The following OTUD7A variants were observed in gnomAD, a reference collection of about 807,000 sequenced individuals.
OTUD7A encodes the protein OTU deubiquitinase 7A.
Under a neutral mutation model 65.7 loss-of-function variants are expected in OTUD7A, and 12 were observed. The observed-to-expected ratio is 0.18, with a 90% CI of 0.12 to 0.30. The LOEUF (loss-of-function observed/expected upper bound fraction) is 0.30. Among genes scored for constraint, OTUD7A ranks in the 10% least tolerant of loss-of-function variants. The pLI is 1.00. For missense variants in OTUD7A, 1,148 were observed against 1,304.8 expected, an observed-to-expected ratio of 0.88 and a Z score of 1.85; for synonymous variants, 641 against 586.3, an observed-to-expected ratio of 1.09 and a Z score of -1.35.
chr15:31,581,320 C>A (rs1889364014), intron 3 of OTUD7A, among the ~76,000 whole-genome samples: 1 of 152,196 alleles, frequency 6.6e-6, no homozygotes, highest in South Asian at 2.1e-4. Context: ...TCCAGGTGCA[C>A]AGTGCAAGCT....
At chr15:31,713,733 AT>A (rs1893509728) in intron 1 of OTUD7A, among the ~76,000 whole-genome samples, 2 of 151,364 alleles carry the variant, frequency 1.3e-5, no homozygotes, top group Admixed American at 6.6e-5. Context: ...AGAAAACATC[AT>A]TGCAATCCAT....
chr15:31,736,163 C>T (rs1157757383), intron 1 of OTUD7A, among the ~76,000 whole-genome samples: 1 of 152,126 alleles, frequency 6.6e-6, no homozygotes. Context: ...ACCCCCACAA[C>T]ACAAGTTTAC....
At chr15:31,485,923 C>A (rs1252980626) in intron 12 of OTUD7A, among the ~76,000 whole-genome samples, 1 of 152,212 alleles carries the variant, frequency 6.6e-6, no homozygotes, top group African/African-American at 2.4e-5. Context: ...CATTCCTTTC[C>A]CCTTCCCACC....
intron 8 of OTUD7A, among the ~76,000 whole-genome samples, chr15:31,510,189 G>C (rs2041663039): frequency 6.6e-6 from 1 of 151,818 alleles, no homozygotes. Context: ...TGCAGTCCTG[G>C]CCCAGGGCCA....
At position 31,536,314 on chromosome 15, in the gene OTUD7A, C is replaced by T. The variant is rs1338574638; in HGVS notation, c.551-5506G>A. Among the ~76,000 whole-genome samples the T allele has an allele frequency of 2.6e-5, 4 of 152,274 alleles. No individual in the cohort carries two copies. The South Asian group carries it at 6.2e-4, about 24-fold the overall frequency. On this transcript the variant is annotated intron_variant, in intron 5 of 12. Transcript: ENST00000307050. ...CTTACATGTCACTTCTTGGATAATA[C>T]TAAAATTGTTTAAAAATTGCTTCAA... is the stretch of plus-strand genomic sequence containing the variant.
intron 3 of OTUD7A, among the ~76,000 whole-genome samples, chr15:31,581,693 G>A (rs1282910749): frequency 6.6e-6 from 1 of 152,030 alleles, no homozygotes; most frequent in Non-Finnish European, 1.5e-5. Flanking sequence ...ATTTGAGACT[G>A]CACAAAGCAG....
chr15:31,658,000 T>A lies in OTUD7A; in HGVS notation c.-99-923A>T, dbSNP rs940558185. On this transcript the variant is annotated intron_variant, in intron 1 of 12. Transcript: ENST00000307050. Reference sequence around the variant, plus strand: ...ACCCCAGGGAGAGTAATGTGTCCCATCAATGCATGGTGACTGCCTTAGGAG... The same window carrying A: ...ACCCCAGGGAGAGTAATGTGTCCCAACAATGCATGGTGACTGCCTTAGGAG... 5.3e-5 allele frequency among the ~76,000 whole-genome samples: 8 copies of A among 152,220 alleles called. No individual in the cohort carries two copies. The East Asian group carries it at 5.8e-4, about 11-fold the overall frequency.
At chr15:31,731,806 G>C (rs1030445151) in intron 1 of OTUD7A, among the ~76,000 whole-genome samples, 4 of 152,022 alleles carry the variant, frequency 2.6e-5, no homozygotes, top group Non-Finnish European at 5.9e-5. Context: ...TGTGGGGTTG[G>C]GGGTGAACAG....
chr15:31,527,418 C>A, intron 6 of OTUD7A, 110 bp from the exon 7 acceptor site: 2 of 1,389,092 alleles, frequency 1.4e-6, no homozygotes, highest in Non-Finnish European at 2.0e-6. Flanking sequence ...TGTCTGCACG[C>A]AGAACAGCCT....
At chr15:31,629,849 A>G (rs1891086247) in intron 3 of OTUD7A, among the ~76,000 whole-genome samples, 1 of 152,098 alleles carries the variant, frequency 6.6e-6, no homozygotes, top group Non-Finnish European at 1.5e-5. Flanking sequence ...GAATTTATCC[A>G]TTTCTTCTAG....
rs1890105021 is a variant in OTUD7A, at chr15:31,602,411, A to G, written c.152-32214T>C. Among the ~76,000 whole-genome samples, 3 of 152,192 alleles carry G rather than the reference A, an allele frequency of 2.0e-5. No individual in the cohort carries two copies. The South Asian group carries it at 6.2e-4, about 32-fold the overall frequency. ...CTTCGACAAAATTCAACACCCCTTC[A>G]TGGTAAAAACTCTCAATAAACTAGG... On this transcript the variant is annotated intron_variant, in intron 3 of 12. Coordinates refer to ENST00000307050, the MANE Select transcript of OTUD7A (RefSeq NM_001382637.1).
chr15:31,847,394 C>G (rs1052177217), intron 1 of OTUD7A, among the ~76,000 whole-genome samples: 2 of 152,170 alleles, frequency 1.3e-5, no homozygotes, highest in African/African-American at 4.8e-5. Context: ...CCACTAAGGA[C>G]TAGTGATGTT....
At chr15:31,566,078 T>C (rs545725354) in intron 4 of OTUD7A, among the ~76,000 whole-genome samples, 6 of 151,742 alleles carry the variant, frequency 4.0e-5, no homozygotes, top group East Asian at 3.9e-4. Flanking sequence ...TGTGTCCCAG[T>C]TACTCGGGAG....
intron 3 of OTUD7A, among the ~76,000 whole-genome samples, chr15:31,570,707 G>A (rs1394910845): frequency 6.6e-6 from 1 of 152,212 alleles, no homozygotes; most frequent in African/African-American, 2.4e-5. Flanking sequence ...TTTGGTGGGA[G>A]ATAGGCTTCT....
At chr15:31,773,744 T>C (rs1437290411) in intron 1 of OTUD7A, among the ~76,000 whole-genome samples, 1 of 152,230 alleles carries the variant, frequency 6.6e-6, no homozygotes, top group African/African-American at 2.4e-5. Flanking sequence ...TGCTGGAGTT[T>C]TTGATGGGTT....
At chr15:31,572,712 C>T (rs1157402932) in intron 3 of OTUD7A, among the ~76,000 whole-genome samples, 1 of 151,974 alleles carries the variant, frequency 6.6e-6, no homozygotes, top group East Asian at 1.9e-4. Context: ...GAAACAGAAA[C>T]TGACTAAACT....
At chr15:31,769,575 T>A (rs1385486419) in intron 1 of OTUD7A, among the ~76,000 whole-genome samples, 1 of 152,218 alleles carries the variant, frequency 6.6e-6, no homozygotes, top group African/African-American at 2.4e-5. Context: ...TCCTTCACAG[T>A]GTGAATGAAT....
chr15:31,629,248 A>T (rs969434451), intron 3 of OTUD7A, among the ~76,000 whole-genome samples: 120 of 152,196 alleles, frequency 7.9e-4, no homozygotes, highest in African/African-American at 2.8e-3. Flanking sequence ...ATAGCTCTTA[A>T]TATTTTGAGA....
At chr15:31,674,102 A>G (rs962534200) in intron 1 of OTUD7A, among the ~76,000 whole-genome samples, 20 of 152,378 alleles carry the variant, frequency 1.3e-4, no homozygotes, top group Non-Finnish European at 2.1e-4. Context: ...CCATTGGAAT[A>G]TAAGAAAGGA....
Sources: gnomAD v4.1 joint callset for allele counts (sites outside exome capture counted in the v4.1 genomes callset) on GRCh38, gnomAD v4.1.1 for gene constraint, MANE v1.5 for transcripts, NCBI Gene and HGNC (gene_info 2026-07-23, HGNC 2026-07-21) for gene names.